The following C5 variants were observed in gnomAD, a reference collection of about 807,000 sequenced individuals.
The protein encoded by C5 is C3 and PZP-like alpha-2-macroglobulin domain-containing protein 4.
In C5, 140 loss-of-function variants were observed where a neutral mutation model predicts 218.8. That is an observed-to-expected ratio of 0.64 (90% CI 0.56 to 0.74). The LOEUF is 0.74. Ranked by LOEUF, C5 falls within the 30% of genes least tolerant of loss-of-function variation. The pLI, the probability that C5 is intolerant of heterozygous loss-of-function variation, is 0.00. For missense variants in C5, 1,700 were observed against 1,969.6 expected (o/e 0.86, Z 2.59); for synonymous variants, 614 against 682.3 (o/e 0.90, Z 1.56).
At chr9:121,069,142 AC>A in the C5 span, among the ~76,000 whole-genome samples, 1 of 152,214 alleles carries the variant, frequency 6.6e-6, no homozygotes, top group Non-Finnish European at 1.5e-5. Context: ...ACAAAAATAA[AC>A]ATATGGGATT....
In C5 at chr9:120,952,702, A is replaced by T. The variant is rs750591495; in HGVS notation, c.*37T>A. 3.1e-6 allele frequency: 5 copies of T among 1,608,498 alleles called. No individual in the cohort carries two copies. In the African/African-American group the frequency reaches 5.3e-5, roughly 17 times the overall value. On this transcript the variant is annotated 3_prime_UTR_variant, in exon 41 of 41. Transcript: ENST00000223642. ...AAACGAACTTCAACAACAGGAGTCC[A>T]TAAGTGCAAACTGTATGCAGCTGAA...
chr9:120,967,252 T>A (rs1588168123), intron 33 of C5, among the ~76,000 whole-genome samples: 1 of 123,072 alleles, frequency 8.1e-6, no homozygotes, highest in African/African-American at 3.7e-5. Flanking sequence ...AGAGTGAAAC[T>A]CCATCTCAAA....
chr9:121,067,534 C>T, the C5 span, among the ~76,000 whole-genome samples: 45 of 149,084 alleles, frequency 3.0e-4, no homozygotes, highest in Admixed American at 6.7e-4. Context: ...ACTGCATTCG[C>T]AGCTTGGTTG....
the C5 span, among the ~76,000 whole-genome samples, chr9:121,063,322 AT>A: frequency 6.6e-6 from 1 of 151,460 alleles, no homozygotes. Flanking sequence ...TCCCTATTGA[AT>A]TTTTTATTTC....
At chr9:121,055,559 C>T in the C5 span, among the ~76,000 whole-genome samples, 22 of 152,114 alleles carry the variant, frequency 1.4e-4, no homozygotes, top group African/African-American at 5.3e-4. Flanking sequence ...TACGATAAAA[C>T]ATCAAACAGA....
intron 30 of C5, 52 bp downstream of exon 30, chr9:120,974,727 A>C (rs1320861816): frequency 6.8e-7 from 1 of 1,466,432 alleles, no homozygotes; most frequent in Non-Finnish European, 9.6e-7. Flanking sequence ...GGAACAGATG[A>C]TTTCAATGGT....
intron 1 of C5, among the ~76,000 whole-genome samples, chr9:121,049,061 C>T (rs1002793011): frequency 6.6e-6 from 1 of 152,084 alleles, no homozygotes; most frequent in Non-Finnish European, 1.5e-5. Context: ...ATTGTCTTAC[C>T]GTTTGCTATA....
upstream of C5, chr9:121,050,364 C>T: frequency 1.1e-6 from 1 of 871,572 alleles, no homozygotes; most frequent in Non-Finnish European, 1.9e-6. Context: ...AAAGGTGAAC[C>T]TCTAAGTGGG....
At chr9:121,058,471 C>T in the C5 span, among the ~76,000 whole-genome samples, 2 of 152,134 alleles carry the variant, frequency 1.3e-5, no homozygotes, top group African/African-American at 4.8e-5. Context: ...TGGATTCTCA[C>T]TCTGTCACAC....
At chr9:121,028,644 T>C (rs1346812755) in intron 7 of C5, among the ~76,000 whole-genome samples, 1 of 151,644 alleles carries the variant, frequency 6.6e-6, no homozygotes, top group East Asian at 1.9e-4. Flanking sequence ...AACTGAACAA[T>C]GAAAACACTT....
rs1413305740 is a variant in C5, at chr9:121,020,063, A to G, written c.1419T>C (p.His473=). ...SYLYIDWTDN[H]KALLVGEHLN... is the part of the protein sequence containing the mutation. The stretch of plus-strand genomic sequence containing the variant: ...GATGTTCTCCCACTAGCAAAGCCTT[A>G]TGGTTATCAGTCCAATCAATATAAA... Residue 473 remains histidine, a synonymous_variant, in exon 12 of 41, where the codon CAT becomes CAC. Transcript: ENST00000223642. 6.2e-7 allele frequency: 1 copy of G among 1,613,346 alleles called. No homozygotes were observed. Among genetic ancestry groups the G allele is most frequent in the Non-Finnish European group, 8.5e-7 (1 of 1,179,346 alleles).
At chr9:121,073,356 A>G in the C5 span, among the ~76,000 whole-genome samples, 2 of 152,148 alleles carry the variant, frequency 1.3e-5, no homozygotes, top group Non-Finnish European at 2.9e-5. Context: ...CTCCTTGCCT[A>G]AACTCTTCTT....
At chr9:120,991,306 T>C (rs981530168) in intron 22 of C5, 26 bp from the exon 23 acceptor site, 3 of 1,321,316 alleles carry the variant, frequency 2.3e-6, no homozygotes, top group Admixed American at 1.7e-5. Flanking sequence ...TTTGGATTTA[T>C]ACAGAGTTTC....
intron 25 of C5, among the ~76,000 whole-genome samples, chr9:120,983,981 G>T (rs548184467): frequency 6.6e-6 from 1 of 152,112 alleles, no homozygotes; most frequent in Non-Finnish European, 1.5e-5. Context: ...CAAAATGGTG[G>T]GAGAATGTTT....
At chr9:120,989,490 C>T (rs2047059398) in intron 24 of C5, 78 bp downstream of exon 24, 2 of 954,614 alleles carry the variant, frequency 2.1e-6, no homozygotes, top group South Asian at 1.6e-5. Context: ...TTCTATAATT[C>T]ACAACTTAAA....
intron 20 of C5, among the ~76,000 whole-genome samples, chr9:121,002,109 G>T (rs1227518234): frequency 6.7e-6 from 1 of 149,434 alleles, no homozygotes; most frequent in Non-Finnish European, 1.5e-5. Context: ...AACACAAATT[G>T]CTGAGGCAGT....
Position 120,952,718 on chromosome 9 carries a change from T to C in C5, c.*21A>G. On this transcript the variant is annotated 3_prime_UTR_variant, in exon 41 of 41. Transcript: ENST00000223642. ...CAGGAGTCCATAAGTGCAAACTGTA[T>C]GCAGCTGAACTTCAGGAATTTTAGC... is the stretch of plus-strand genomic sequence containing the variant. The C allele has an allele frequency of 1.2e-6, 2 of 1,610,882 alleles. No homozygotes were observed. The highest frequency in any genetic ancestry group is 1.1e-5 in the South Asian group (1 of 90,932).
At chr9:121,021,920 A>G (rs2047369537) in intron 10 of C5, among the ~76,000 whole-genome samples, 1 of 151,778 alleles carries the variant, frequency 6.6e-6, no homozygotes, top group Non-Finnish European at 1.5e-5. Flanking sequence ...TATTGGCCTC[A>G]AGCCATCCTC....
intron 10 of C5, among the ~76,000 whole-genome samples, chr9:121,022,225 G>A (rs1326218835): frequency 2.0e-5 from 3 of 151,934 alleles, no homozygotes; most frequent in Non-Finnish European, 4.4e-5. Flanking sequence ...AATCGCTTCT[G>A]GGAATAAGTC....
Sources: allele counts gnomAD v4.1 joint callset (sites outside exome capture counted in the v4.1 genomes callset), GRCh38; gene constraint gnomAD v4.1.1; transcripts MANE v1.5; gene names NCBI Gene and HGNC (gene_info 2026-07-23, HGNC 2026-07-21).